The following ANKRD44 variants were observed in gnomAD, a reference collection of about 807,000 sequenced individuals.
ANKRD44 encodes serine/threonine-protein phosphatase 6 regulatory ankyrin repeat subunit B.
In ANKRD44, 35 loss-of-function variants were observed where a neutral mutation model predicts 116.0. The observed-to-expected ratio is 0.30, with a 90% CI of 0.23 to 0.40. ANKRD44 has a LOEUF of 0.40. ANKRD44 is among the 10% of genes least tolerant of loss of function. The probability of loss-of-function intolerance (pLI) is 1.00; values close to 1 mark genes in which losing one functional copy is unlikely to be tolerated. For synonymous variants in ANKRD44, 435 were observed against 461.8 expected (o/e 0.94, Z 0.74); for missense variants, 1,014 against 1,242.6 (o/e 0.82, Z 2.77).
At chr2:197,294,159 GA>G (rs2083649792) in intron 1 of ANKRD44, among the ~76,000 whole-genome samples, 1 of 152,136 alleles carries the variant, frequency 6.6e-6, no homozygotes, top group Non-Finnish European at 1.5e-5. Flanking sequence ...GAAAATGCTG[GA>G]GGTCCCAGAC....
intron 8 of ANKRD44, among the ~76,000 whole-genome samples, chr2:197,116,970 G>C (rs1317626659): frequency 6.6e-6 from 1 of 152,120 alleles, no homozygotes; most frequent in Non-Finnish European, 1.5e-5. Flanking sequence ...TGCTTATCAT[G>C]TGGCAGATAT....
intron 17 of ANKRD44, among the ~76,000 whole-genome samples, chr2:197,020,326 T>A (rs932433717): frequency 2.6e-5 from 4 of 152,206 alleles, no homozygotes; most frequent in African/African-American, 9.6e-5. Context: ...CTTTAAAATT[T>A]CAACCCATAC....
chr2:197,024,204 G>A (rs1342748624), intron 17 of ANKRD44, among the ~76,000 whole-genome samples: 1 of 152,206 alleles, frequency 6.6e-6, no homozygotes, highest in Admixed American at 6.5e-5. Context: ...TCATCAGAAT[G>A]ACACTGAAGG....
chr2:197,256,004 G>A (rs1460024127), intron 1 of ANKRD44, among the ~76,000 whole-genome samples: 1 of 152,184 alleles, frequency 6.6e-6, no homozygotes, highest in East Asian at 1.9e-4. Context: ...GTTTGGAGGG[G>A]ATTCTTAAGA....
chr2:197,121,584 A>G, intron 7 of ANKRD44, 40 bp from the exon 8 acceptor site: 1 of 1,558,838 alleles, frequency 6.4e-7, no homozygotes, highest in South Asian at 1.1e-5. Flanking sequence ...AAGTCATTAG[A>G]GCCAGTTTAC....
chr2:197,009,423 T>C (rs1400881199), intron 18 of ANKRD44, among the ~76,000 whole-genome samples: 1 of 151,680 alleles, frequency 6.6e-6, no homozygotes, highest in Non-Finnish European at 1.5e-5. Flanking sequence ...TCGTCCAGGC[T>C]GGAGTGCAAT....
Position 197,136,615 on chromosome 2 carries a change from G to C in ANKRD44, c.238C>G (p.Arg80Gly), listed in dbSNP as rs368673568. 6.2e-7 allele frequency: 1 copy of C among 1,614,128 alleles called. No homozygotes were observed. Among genetic ancestry groups the C allele is most frequent in the South Asian group, 1.1e-5 (1 of 91,078 alleles). ...KDNMWLTPLH[R>G]AVASRSEEAV... ...ACTTCACTTCTGGAAGCAACAGCCCGGTGCAGTGGAGTCAGCCACATGTTG... is the reference window on the plus strand; with the variant it reads ...ACTTCACTTCTGGAAGCAACAGCCCCGTGCAGTGGAGTCAGCCACATGTTG... Residue 80 changes from arginine (R) to glycine (G), a missense_variant, in exon 4 of 28, where the codon CGG becomes GGG. Coordinates refer to ENST00000282272, the MANE Select transcript of ANKRD44 (RefSeq NM_001195144.2).
chr2:196,976,362 C>A (rs2075760582), intron 21 of ANKRD44, among the ~76,000 whole-genome samples: 1 of 152,022 alleles, frequency 6.6e-6, no homozygotes, highest in Non-Finnish European at 1.5e-5. Flanking sequence ...TAGTGGGAGA[C>A]TGGATTCTTT....
At chr2:197,090,129 A>C (rs1163872380) in intron 10 of ANKRD44, 97 bp from the exon 11 acceptor site, 14 of 927,472 alleles carry the variant, frequency 1.5e-5, no homozygotes, top group South Asian at 4.2e-5. Flanking sequence ...AAAATTAACA[A>C]CACCTTGTGT....
At chr2:197,049,331 A>G (rs2077062111) in intron 16 of ANKRD44, among the ~76,000 whole-genome samples, 1 of 152,204 alleles carries the variant, frequency 6.6e-6, no homozygotes, top group East Asian at 1.9e-4. Flanking sequence ...CTATTTTCAT[A>G]TAAACTTTCA....
chr2:197,295,073 A>C (rs2105890128), intron 1 of ANKRD44, among the ~76,000 whole-genome samples: 1 of 152,354 alleles, frequency 6.6e-6, no homozygotes, highest in African/African-American at 2.4e-5. Context: ...TATTGTTTTA[A>C]GGAGGATTGT....
At position 196,998,975 on chromosome 2, in the gene ANKRD44, T is replaced by A. The variant is rs2076064884; in HGVS notation, c.2597A>T (p.Asn866Ile). 1.2e-6 allele frequency: 2 copies of A among 1,614,102 alleles called. No homozygotes were observed. The highest frequency in any genetic ancestry group is 2.7e-5 in the African/African-American group (2 of 74,948). The change falls in exon 24 of 28, where the codon AAC becomes ATC. Residue 866 changes from asparagine to isoleucine, a missense_variant. Physicochemically the swap from Asn to Ile is moderately radical, Grantham distance 149. Transcript: ENST00000282272. ...TGTTTTCCCTGAATTATCTACTGCG[T>A]TCACTGGAGCACTGTGTCTCAGAAG... The part of the protein sequence containing the change: ...QLLLRHSAPV[N>I]AVDNSGKTAL...
rs564150054 is a variant in ANKRD44 at position 197,185,283 on chromosome 2, T to C, written c.111+1740A>G. On this transcript the variant is annotated intron_variant, in intron 2 of 27. Transcript: ENST00000282272. ...GTCACAAACCATTGTCCTGTTGTGCTTAGTGCCAGCTGGGGAGAAGCTGCC... is the reference window on the plus strand; with the variant it reads ...GTCACAAACCATTGTCCTGTTGTGCCTAGTGCCAGCTGGGGAGAAGCTGCC... Among the ~76,000 whole-genome samples the C allele has an allele frequency of 2.0e-5, 3 of 152,336 alleles. No homozygotes were observed. The South Asian group carries it at 6.2e-4, about 32-fold the overall frequency.
At chr2:197,161,648 A>G (rs1457926089) in intron 2 of ANKRD44, among the ~76,000 whole-genome samples, 4 of 152,182 alleles carry the variant, frequency 2.6e-5, no homozygotes, top group African/African-American at 7.2e-5. Context: ...TGCAATTACT[A>G]TCTTTTCTCT....
In ANKRD44 at chr2:196,987,472, C is replaced by T. The variant is rs112135100; in HGVS notation, c.*2119G>A. On this transcript the variant is annotated 3_prime_UTR_variant, in exon 28 of 28. Coordinates refer to ENST00000282272, the MANE Select transcript of ANKRD44 (RefSeq NM_001195144.2). Reference sequence around the variant, plus strand: ...ACAATAAAACGGATGAGTTCTTCAACCAACACAACATATAAGCACACCAAG... The same window carrying T: ...ACAATAAAACGGATGAGTTCTTCAATCAACACAACATATAAGCACACCAAG... 6.5e-4 allele frequency: 636 copies of T among 985,328 alleles called. 4 individuals carry two copies. Among genetic ancestry groups the T allele is most frequent in the African/African-American group, 6.0e-3 (343 of 57,330 alleles). The allele number at this position is 985,328 out of a possible 1,614,324, so 61.0% of individuals were successfully genotyped here.
At chr2:197,195,844 C>A (rs2080936212) in intron 1 of ANKRD44, among the ~76,000 whole-genome samples, 2 of 152,216 alleles carry the variant, frequency 1.3e-5, no homozygotes, top group African/African-American at 4.8e-5. Context: ...TGCCAAGTGC[C>A]ATATTTCTAT....
chr2:197,253,903 A>G (rs2082378272), intron 1 of ANKRD44, among the ~76,000 whole-genome samples: 1 of 152,230 alleles, frequency 6.6e-6, no homozygotes, highest in Non-Finnish European at 1.5e-5. Context: ...AAATCTCATT[A>G]TTCTGCCTTA....
At chr2:197,173,832 AG>A (rs1283121871) in intron 2 of ANKRD44, among the ~76,000 whole-genome samples, 1 of 152,186 alleles carries the variant, frequency 6.6e-6, no homozygotes, top group Non-Finnish European at 1.5e-5. Flanking sequence ...CAGGAGTTCA[AG>A]ACCAGCCTGG....
chr2:197,212,121 A>G lies in ANKRD44; in HGVS notation c.28-25015T>C, dbSNP rs1448618739. ...GAAGGAGAGGAGATATTGCAGAGCT[A>G]GAGTTTTGGAACTGGAACAAGGAGG... On this transcript the variant is annotated intron_variant, in intron 1 of 27. Transcript: ENST00000282272. This position sits in a 1 kb window ranked among gnomAD's most constrained non-coding sequence, Gnocchi z 4.8. 1.3e-5 allele frequency among the ~76,000 whole-genome samples: 2 copies of G among 152,048 alleles called. No homozygotes were observed. Among genetic ancestry groups the G allele is most frequent in the African/African-American group, 4.8e-5 (2 of 41,426 alleles).
Sources: allele counts gnomAD v4.1 joint callset (sites outside exome capture counted in the v4.1 genomes callset), GRCh38; gene constraint gnomAD v4.1.1; non-coding constraint Gnocchi (gnomAD v3.1); transcripts MANE v1.5; gene names NCBI Gene and HGNC (gene_info 2026-07-23, HGNC 2026-07-21).